HBE1: variants seen among roughly 807,000 people sequenced by gnomAD.
HBE1 encodes hemoglobin subunit epsilon.
HBE1 carries 10 observed loss-of-function variants against 12.1 expected under a neutral mutation model. The observed-to-expected ratio is 0.83, with a 90% confidence interval of 0.51 to 1.40. HBE1 has a LOEUF of 1.40. HBE1 is among the 40% of genes most tolerant of loss of function. HBE1 has a pLI of 0.00. For missense variants in HBE1, 172 were observed against 175.8 expected (o/e 0.98, Z 0.12); for synonymous variants, 78 against 70.4 (o/e 1.11, Z -0.54).
Position 5,269,808 on chromosome 11 carries a change from G to T in HBE1, c.83C>A (p.Ala28Asp), listed in dbSNP as rs1194256969. Residue 28 changes from alanine (A) to aspartate (D), a missense_variant, in exon 1 of 3, where the codon GCC (alanine) becomes GAC (aspartate). Physicochemically the swap from Ala to Asp is moderately radical, Grantham distance 126. Coordinates refer to ENST00000396895, the MANE Select transcript of HBE1 (RefSeq NM_005330.4). ...KMNVEEAGGE[A>D]LGRLLVVYPW... The stretch of plus-strand genomic sequence containing the variant: ...GAGAACCAATGCTTACCTGCCCAAG[G>T]CTTCACCTCCAGCCTCTTCCACATT... 2 of 1,612,364 alleles carry T rather than the reference G, an allele frequency of 1.2e-6. No individual in the cohort carries two copies. The highest frequency in any genetic ancestry group is 2.2e-5 in the East Asian group (1 of 44,884).
chr11:5,269,915 G>T lies in HBE1; in HGVS notation c.-25C>A, dbSNP rs1227912172. 6.5e-7 allele frequency: 1 copy of T among 1,540,646 alleles called. No homozygotes were observed. Among genetic ancestry groups the T allele is most frequent in the Non-Finnish European group, 9.0e-7 (1 of 1,114,126 alleles). Reference sequence around the variant, plus strand: ...TGATGCCAGGCCTGAGAGCTTGCTAGTGATTGCAGCTGTGTCGGAAGCAGA... The same window carrying T: ...TGATGCCAGGCCTGAGAGCTTGCTATTGATTGCAGCTGTGTCGGAAGCAGA... On this transcript the variant is annotated 5_prime_UTR_variant, in exon 1 of 3. Transcript: ENST00000396895.
chr11:5,269,942 A>C lies in HBE1; in HGVS notation c.-52T>G. ...GATTGCAGCTGTGTCGGAAGCAGAT[A>C]TGTGCTGCTGCCTCTCTGTCTGGCC... On this transcript the variant is annotated 5_prime_UTR_variant, in exon 1 of 3. Coordinates refer to ENST00000396895, the MANE Select transcript of HBE1 (RefSeq NM_005330.4). 2.4e-6 allele frequency: 3 copies of C among 1,274,918 alleles called. No individual in the cohort carries two copies. Among genetic ancestry groups the C allele is most frequent in the Non-Finnish European group, 3.4e-6 (3 of 875,386 alleles). 79.0% of individuals were successfully genotyped at this position (1,274,918 alleles called of 1,614,324 possible).
chr11:5,268,705 TC>T, intron 2 of HBE1, 108 bp from the exon 3 acceptor site: 2 of 1,024,896 alleles, frequency 2.0e-6, no homozygotes, highest in Non-Finnish European at 2.9e-6. Flanking sequence ...ATACCTACAT[TC>T]CTAGACAACC....
intron 2 of HBE1, among the ~76,000 whole-genome samples, chr11:5,269,200 C>A (rs1006754610): frequency 1.3e-5 from 2 of 152,074 alleles, no homozygotes; most frequent in Non-Finnish European, 2.9e-5. Flanking sequence ...TAATACAATT[C>A]TCTGGGATAA....
rs59733060 is a variant in HBE1 at position 5,268,440 on chromosome 11, A to G, written c.*29T>C. 22,506 of 1,605,556 alleles carry G rather than the reference A, an allele frequency of 0.014. 1,204 individuals are homozygous for G. In the African/African-American group the frequency reaches 0.17, roughly 12 times the overall value. On this transcript the variant is annotated 3_prime_UTR_variant, in exon 3 of 3. Transcript: ENST00000396895. ...TGTGCAGAAGGAGGGTGTCAGGGTC[A>G]CAGGAACACCTGCAAACTGGAAGAG... is the stretch of plus-strand genomic sequence containing the variant.
rs765330901 is a variant in HBE1, at chr11:5,268,573, T to A, written c.340A>T (p.Ile114Phe). 1 of 1,613,544 alleles carries A rather than the reference T, an allele frequency of 6.2e-7. No individual in the cohort carries two copies. The highest frequency in any genetic ancestry group is 8.5e-7 in the Non-Finnish European group (1 of 1,179,642). Residue 114 changes from isoleucine to phenylalanine, a missense_variant, in exon 3 of 3, where the codon ATT (isoleucine) becomes TTT (phenylalanine). Coordinates refer to ENST00000396895, the MANE Select transcript of HBE1 (RefSeq NM_005330.4). ...FKLLGNVMVI[I>F]LATHFGKEFT... ...TCCTTGCCAAAGTGAGTAGCCAGAA[T>A]AATCACCATCACGTTACCCAGGAGC...
chr11:5,269,202 C>T (rs1018097790), intron 2 of HBE1, among the ~76,000 whole-genome samples: 2 of 152,184 alleles, frequency 1.3e-5, no homozygotes, highest in Non-Finnish European at 2.9e-5. Flanking sequence ...ATACAATTCT[C>T]TGGGATAAAC....
At chr11:5,269,078 T>G (rs938977002) in intron 2 of HBE1, among the ~76,000 whole-genome samples, 1 of 152,224 alleles carries the variant, frequency 6.6e-6, no homozygotes, top group African/African-American at 2.4e-5. Context: ...AATCTCTTTC[T>G]AAACCTCAAT....
Position 5,269,541 on chromosome 11 carries a change from A to G in HBE1, c.228T>C (p.Ile76=), listed in dbSNP as rs1344842301. Reference sequence around the variant, plus strand: ...CGGGCTTGAGGTTGTCCATGTTTTTAATAGCATCTCCAAAGGAAGTCAGCA... The same window carrying G: ...CGGGCTTGAGGTTGTCCATGTTTTTGATAGCATCTCCAAAGGAAGTCAGCA... ...KKVLTSFGDA[I]KNMDNLKPAF... Residue 76 remains isoleucine (I), a synonymous_variant, in exon 2 of 3, where the codon ATT becomes ATC. Transcript: ENST00000396895. 2 of 1,613,998 alleles carry G rather than the reference A, an allele frequency of 1.2e-6. No homozygotes were observed. Among genetic ancestry groups the G allele is most frequent in the Admixed American group, 1.7e-5 (1 of 60,012 alleles).
At chr11:5,268,979 A>G (rs561642593) in intron 2 of HBE1, among the ~76,000 whole-genome samples, 1 of 152,322 alleles carries the variant, frequency 6.6e-6, no homozygotes, top group Admixed American at 6.5e-5. Flanking sequence ...ACAAGCCTTC[A>G]CTTGGTCACA....
chr11:5,268,455 A>T lies in HBE1; in HGVS notation c.*14T>A. ...TGTCAGGGTCACAGGAACACCTGCA[A>T]ACTGGAAGAGAACTCAGTGGTACTT... On this transcript the variant is annotated 3_prime_UTR_variant, in exon 3 of 3. Transcript: ENST00000396895. The T allele has an allele frequency of 6.2e-7, 1 of 1,611,822 alleles. No homozygotes were observed. Among genetic ancestry groups the T allele is most frequent in the Admixed American group, 1.7e-5 (1 of 59,942 alleles).
In HBE1 at chr11:5,269,626, T is replaced by C. The variant is rs772227827; in HGVS notation, c.143A>G (p.Asn48Ser). ...WTQRFFDSFGNLSSPSAILGN... is the reference protein window; with the variant it reads ...WTQRFFDSFGSLSSPSAILGN... ...CAGGATGGCAGAGGGAGACGACAGGTTTCCAAAGCTGTCAAAAAATCTCTG... is the reference window on the plus strand; with the variant it reads ...CAGGATGGCAGAGGGAGACGACAGGCTTCCAAAGCTGTCAAAAAATCTCTG... The change falls in exon 2 of 3, where the codon AAC (asparagine) becomes AGC (serine). Residue 48 changes from asparagine to serine, a missense_variant. Transcript: ENST00000396895. 2 of 1,613,562 alleles carry C rather than the reference T, an allele frequency of 1.2e-6. No homozygotes were observed. Among genetic ancestry groups the C allele is most frequent in the Admixed American group, 3.3e-5 (2 of 59,984 alleles).
Position 5,269,645 on chromosome 11 carries a change from A to C in HBE1, c.124T>G (p.Phe42Val), listed in dbSNP as rs754280316. The C allele has an allele frequency of 6.2e-7, 1 of 1,613,614 alleles. No individual in the cohort carries two copies. Among genetic ancestry groups the C allele is most frequent in the South Asian group, 1.1e-5 (1 of 91,074 alleles). ...GACAGGTTTCCAAAGCTGTCAAAAA[A>C]TCTCTGGGTCCAGGGGTAAACAACG... ...LLVVYPWTQRFFDSFGNLSSP... is the reference protein window; with the variant it reads ...LLVVYPWTQRVFDSFGNLSSP... Residue 42 changes from phenylalanine to valine, a missense_variant, in exon 2 of 3, where the codon TTT (phenylalanine) becomes GTT (valine). By Grantham distance (50) the Phe-to-Val change is conservative. Coordinates refer to ENST00000396895, the MANE Select transcript of HBE1 (RefSeq NM_005330.4).
chr11:5,269,775 C>G (rs924075493), intron 1 of HBE1, 24 bp downstream of exon 1: 1 of 1,574,792 alleles, frequency 6.4e-7, no homozygotes. Context: ...CCTTCATTCC[C>G]ATGCATTGAG....
At chr11:5,269,376 C>T (rs949503866) in intron 2 of HBE1, 78 bp downstream of exon 2, 12 of 1,053,550 alleles carry the variant, frequency 1.1e-5, no homozygotes, top group South Asian at 1.0e-4. Flanking sequence ...CTTTGTTGGT[C>T]TTTCCAATAA....
At position 5,269,785 on chromosome 11, in the gene HBE1, G is replaced by C. The variant is rs1564890528; in HGVS notation, c.92+14C>G. On this transcript the variant is annotated intron_variant, in intron 1 of 2. Coordinates refer to ENST00000396895, the MANE Select transcript of HBE1 (RefSeq NM_005330.4). The stretch of plus-strand genomic sequence containing the variant: ...TTCACCCTTCATTCCCATGCATTGA[G>C]AACCAATGCTTACCTGCCCAAGGCT... The C allele has an allele frequency of 1.9e-6, 3 of 1,589,398 alleles. No individual in the cohort carries two copies. In the African/African-American group the frequency reaches 4.0e-5, roughly 21 times the overall value.
rs777381269 is a variant in HBE1 at position 5,269,686 on chromosome 11, G to T, written c.93-10C>A. 1 of 1,601,800 alleles carries T rather than the reference G, an allele frequency of 6.2e-7. No homozygotes were observed. Among genetic ancestry groups the T allele is most frequent in the East Asian group, 2.2e-5 (1 of 44,804 alleles). On this transcript the variant is annotated splice_polypyrimidine_tract_variant and intron_variant, in intron 1 of 2. Coordinates refer to ENST00000396895, the MANE Select transcript of HBE1 (RefSeq NM_005330.4). The stretch of plus-strand genomic sequence containing the variant: ...GTAAACAACGAGGAGTCTATGAAAT[G>T]ACACCATATCAGATACAAAATTAGA...
chr11:5,269,190 T>A (rs1435919571), intron 2 of HBE1, among the ~76,000 whole-genome samples: 1 of 152,180 alleles, frequency 6.6e-6, no homozygotes, highest in Non-Finnish European at 1.5e-5. Context: ...TACAATTCTA[T>A]AATACAATTC....
At chr11:5,269,224 T>C (rs1378824230) in intron 2 of HBE1, among the ~76,000 whole-genome samples, 3 of 152,206 alleles carry the variant, frequency 2.0e-5, no homozygotes, top group African/African-American at 7.2e-5. Context: ...CATCAAGTTC[T>C]GGCAAGATTT....
Sources: allele counts gnomAD v4.1 joint callset (sites outside exome capture counted in the v4.1 genomes callset), GRCh38; gene constraint gnomAD v4.1.1; transcripts MANE v1.5; gene names NCBI Gene and HGNC (gene_info 2026-07-23, HGNC 2026-07-21).